The following GRK5 variants were observed in gnomAD, a reference collection of about 807,000 sequenced individuals.
GRK5 encodes g protein-coupled receptor kinase GRK5.
GRK5 carries 40 observed loss-of-function variants against 78.4 expected under a neutral mutation model. The ratio of observed to expected loss-of-function variants is 0.51; its 90% CI spans 0.40 to 0.66. The LOEUF (loss-of-function observed/expected upper bound fraction) is 0.66. GRK5 is among the 30% of genes least tolerant of loss of function. The pLI is 0.00. For missense variants in GRK5, 598 were observed against 759.9 expected (o/e 0.79, Z 2.50); for synonymous variants, 289 against 296.8 (o/e 0.97, Z 0.27).
intron 2 of GRK5, among the ~76,000 whole-genome samples, chr10:119,368,040 C>T (rs952528105): frequency 1.3e-5 from 2 of 152,252 alleles, no homozygotes; most frequent in Non-Finnish European, 2.9e-5. Context: ...CCAGCCGTTT[C>T]CTGGCCCGGC....
intron 5 of GRK5, among the ~76,000 whole-genome samples, chr10:119,424,231 C>T (rs920219902): frequency 4.6e-5 from 7 of 152,156 alleles, no homozygotes; most frequent in African/African-American, 1.4e-4. Context: ...CCAACGATGG[C>T]TTTCAGGTTT....
chr10:119,268,984 G>C (rs1849544736), intron 1 of GRK5, among the ~76,000 whole-genome samples: 1 of 152,234 alleles, frequency 6.6e-6, no homozygotes, highest in Non-Finnish European at 1.5e-5. Flanking sequence ...GGCCCAGAGG[G>C]AGATGGTATC....
At chr10:119,212,850 T>C (rs1589681579) in intron 1 of GRK5, 1 of 152,160 alleles carries the variant, frequency 6.6e-6, no homozygotes, top group Non-Finnish European at 1.5e-5. Flanking sequence ...CAAAATAGAA[T>C]GGTGGAGCCG....
At chr10:119,256,475 A>C (rs1435393778) in intron 1 of GRK5, among the ~76,000 whole-genome samples, 1 of 152,112 alleles carries the variant, frequency 6.6e-6, no homozygotes, top group Non-Finnish European at 1.5e-5. Context: ...AACTTGTTGG[A>C]GCTCACACAG....
At chr10:119,366,379 A>ATTTACAGC (rs1851450319) in intron 2 of GRK5, among the ~76,000 whole-genome samples, 1 of 152,058 alleles carries the variant, frequency 6.6e-6, no homozygotes, top group Non-Finnish European at 1.5e-5. Flanking sequence ...GAGAGAGAGA[A>ATTTACAGC]TTTACAGCTT....
chr10:119,271,285 T>C lies in GRK5; in HGVS notation c.53-55231T>C, dbSNP rs61567665. On this transcript the variant is annotated intron_variant, in intron 1 of 15. Transcript: ENST00000392870. The surrounding 1 kb of genome is among the most constrained non-coding windows in gnomAD (Gnocchi z 4.1). ...ACGCCTGGCCTCTTTAGAGGCTCTC[T>C]CATCCCCTCGAGCTGCCAACACAAT... 2.6e-3 allele frequency among the ~76,000 whole-genome samples: 392 copies of C among 152,340 alleles called. 1 individual carries two copies. The highest frequency in any genetic ancestry group is 0.01 in the Middle Eastern group (3 of 294).
At chr10:119,437,054 CAGCCTCCAAAGTTT>C (rs376270556) in intron 9 of GRK5, among the ~76,000 whole-genome samples, 1 of 152,348 alleles carries the variant, frequency 6.6e-6, no homozygotes, top group East Asian at 1.9e-4. Flanking sequence ...CAGTGTTCTC[CAGCCTCCAAAGTTT>C]AGGGAAGCCA....
chr10:119,386,896 G>A (rs1039248168), intron 3 of GRK5, among the ~76,000 whole-genome samples: 2 of 152,192 alleles, frequency 1.3e-5, no homozygotes, highest in Admixed American at 6.5e-5. Context: ...CGCCATCCAC[G>A]CCATTCCCAT....
At chr10:119,450,522 C>T (rs1010806651) in intron 13 of GRK5, among the ~76,000 whole-genome samples, 3 of 152,206 alleles carry the variant, frequency 2.0e-5, no homozygotes, top group Non-Finnish European at 4.4e-5. Flanking sequence ...GTGCGTGCAC[C>T]CAGGCATGGC....
In GRK5 at chr10:119,430,427, G is replaced by A; in HGVS notation, c.586G>A (p.Gly196Ser). Reference sequence around the variant, plus strand: ...GCAGTATCGAGTGCTAGGAAAAGGGGGCTTCGGGGAGGTGAGTGAACATTC... The same window carrying A: ...GCAGTATCGAGTGCTAGGAAAAGGGAGCTTCGGGGAGGTGAGTGAACATTC... ...FRQYRVLGKG[G>S]FGEVCACQVR... is the part of the protein sequence containing the mutation. The change falls in exon 7 of 16, where the codon GGC becomes AGC. Residue 196 changes from glycine (G) to serine (S), a missense_variant. Coordinates refer to ENST00000392870, the MANE Select transcript of GRK5 (RefSeq NM_005308.3). This position sits in a 1 kb window ranked among gnomAD's most constrained non-coding sequence, Gnocchi z 4.5. 1.2e-6 allele frequency: 2 copies of A among 1,611,854 alleles called. No individual in the cohort carries two copies. Among genetic ancestry groups the A allele is most frequent in the Non-Finnish European group, 1.7e-6 (2 of 1,179,168 alleles).
intron 1 of GRK5, among the ~76,000 whole-genome samples, chr10:119,273,514 G>A (rs970436315): frequency 7.9e-5 from 12 of 152,142 alleles, no homozygotes; most frequent in African/African-American, 7.2e-5. Flanking sequence ...AGCTTCAGAC[G>A]CTCCAGCCCA....
chr10:119,321,449 T>C (rs987852581), intron 1 of GRK5, among the ~76,000 whole-genome samples: 1 of 152,242 alleles, frequency 6.6e-6, no homozygotes, highest in Non-Finnish European at 1.5e-5. Flanking sequence ...GGGAGAATCC[T>C]TCCTGGCCTG....
At chr10:119,344,109 T>C (rs1172372150) in intron 2 of GRK5, among the ~76,000 whole-genome samples, 1 of 151,778 alleles carries the variant, frequency 6.6e-6, no homozygotes, top group Non-Finnish European at 1.5e-5. Context: ...TAACAGATCC[T>C]TTTTTATTTT....
chr10:119,246,318 C>G (rs1361006893), intron 1 of GRK5, among the ~76,000 whole-genome samples: 1 of 151,970 alleles, frequency 6.6e-6, no homozygotes, highest in Non-Finnish European at 1.5e-5. Context: ...CTGTGTTGTT[C>G]AGGGAATAAT....
At chr10:119,441,814 T>C (rs1385568686) in intron 10 of GRK5, among the ~76,000 whole-genome samples, 185 bp from the exon 11 acceptor site, 1 of 152,214 alleles carries the variant, frequency 6.6e-6, no homozygotes, top group African/African-American at 2.4e-5. Flanking sequence ...CATTTTCCTG[T>C]GTCCTCCCAC....
chr10:119,241,449 C>T (rs1427196748), intron 1 of GRK5, among the ~76,000 whole-genome samples: 5 of 152,172 alleles, frequency 3.3e-5, no homozygotes, highest in East Asian at 1.9e-4. Flanking sequence ...TTTCCTGATG[C>T]GGGTCTTTCT....
intron 1 of GRK5, among the ~76,000 whole-genome samples, chr10:119,287,103 A>G (rs1434793445): frequency 2.1e-5 from 3 of 145,204 alleles, no homozygotes; most frequent in Non-Finnish European, 4.5e-5. Flanking sequence ...AGAGGAAGGG[A>G]GAGAAGGAAG....
chr10:119,240,123 A>G (rs570620710), intron 1 of GRK5, among the ~76,000 whole-genome samples: 10 of 150,214 alleles, frequency 6.7e-5, no homozygotes, highest in Non-Finnish European at 7.4e-5. Flanking sequence ...GAACTAATTT[A>G]CATTCCCACC....
intron 3 of GRK5, among the ~76,000 whole-genome samples, chr10:119,383,724 C>G (rs1297025000): frequency 6.6e-6 from 1 of 152,224 alleles, no homozygotes; most frequent in Admixed American, 6.5e-5. Flanking sequence ...TCCAGGTTGG[C>G]TTCTGAGTCC....
Sources: gnomAD v4.1 joint callset for allele counts (sites outside exome capture counted in the v4.1 genomes callset) on GRCh38, gnomAD v4.1.1 for gene constraint, Gnocchi (gnomAD v3.1) non-coding constraint, MANE v1.5 for transcripts, NCBI Gene and HGNC (gene_info 2026-07-23, HGNC 2026-07-21) for gene names.